VEZT: variants seen among roughly 807,000 people sequenced by gnomAD.
The protein encoded by VEZT is vezatin.
A neutral mutation model predicts 79.9 loss-of-function variants in VEZT; 39 were observed. The observed-to-expected ratio is 0.49, with a 90% confidence interval of 0.38 to 0.64. The LOEUF is 0.64. VEZT is among the 30% of genes least tolerant of loss of function. The probability of loss-of-function intolerance (pLI) is 0.00; values close to 1 mark genes in which losing one functional copy is unlikely to be tolerated. For synonymous variants in VEZT, 325 were observed against 327.6 expected (o/e 0.99, Z 0.09); for missense variants, 837 against 893.1 (o/e 0.94, Z 0.80).
intron 1 of VEZT, among the ~76,000 whole-genome samples, chr12:95,251,131 C>T (rs1252603847): frequency 6.6e-6 from 1 of 152,152 alleles, no homozygotes; most frequent in African/African-American, 2.4e-5. Context: ...CTGCCTCAGC[C>T]TCCCGAGTAG....
chr12:95,250,747 A>ATT (rs3080327), intron 1 of VEZT, among the ~76,000 whole-genome samples: 26,286 of 142,796 alleles, frequency 0.18, 2,700 homozygotes, highest in East Asian at 0.26. Flanking sequence ...GGTTGGGGTG[A>ATT]TTTTTTTTTT....
At chr12:95,251,128 A>T (rs762404738) in intron 1 of VEZT, among the ~76,000 whole-genome samples, 11 of 152,158 alleles carry the variant, frequency 7.2e-5, no homozygotes, top group Non-Finnish European at 1.5e-4. Context: ...CTCCTGCCTC[A>T]GCCTCCCGAG....
chr12:95,217,846 G>T lies in VEZT; in HGVS notation c.-5G>T. Reference sequence around the variant, plus strand: ...GTGCTGAGGCGGGTGGCATGGCGGAGAAGGATGACACCGGAGTTTGACGAA... The same window carrying T: ...GTGCTGAGGCGGGTGGCATGGCGGATAAGGATGACACCGGAGTTTGACGAA... On this transcript the variant is annotated 5_prime_UTR_variant, in exon 1 of 12. Coordinates refer to ENST00000436874, the MANE Select transcript of VEZT (RefSeq NM_017599.4). The T allele has an allele frequency of 6.5e-7, 1 of 1,541,514 alleles. No homozygotes were observed. The highest frequency in any genetic ancestry group is 1.2e-5 in the South Asian group (1 of 82,422).
chr12:95,257,627 G>A (rs1442408326), intron 3 of VEZT, among the ~76,000 whole-genome samples: 1 of 152,142 alleles, frequency 6.6e-6, no homozygotes, highest in African/African-American at 2.4e-5. Context: ...TGTGATTTTT[G>A]TGAGGCTTTG....
intron 1 of VEZT, among the ~76,000 whole-genome samples, chr12:95,222,242 G>A (rs2057729957): frequency 6.6e-6 from 1 of 152,110 alleles, no homozygotes; most frequent in South Asian, 2.1e-4. Context: ...CCTACTCTAA[G>A]GTCACAAAGA....
intron 1 of VEZT, among the ~76,000 whole-genome samples, chr12:95,222,708 C>G (rs891733971): frequency 1.3e-5 from 2 of 152,034 alleles, no homozygotes; most frequent in East Asian, 3.8e-4. Flanking sequence ...TAAAAAAACC[C>G]TACTGAGACT....
chr12:95,286,845 T>C (rs1279378277), intron 8 of VEZT: 3 of 476,696 alleles, frequency 6.3e-6, no homozygotes, highest in Non-Finnish European at 1.3e-5. Flanking sequence ...CCATTTTTTA[T>C]TGCAGACCTG....
At chr12:95,292,635 G>C (rs1388357394) in intron 9 of VEZT, among the ~76,000 whole-genome samples, 1 of 142,860 alleles carries the variant, frequency 7.0e-6, no homozygotes, top group Admixed American at 7.3e-5. Flanking sequence ...TGCAACCTCC[G>C]CCTCCCAAGT....
In VEZT at chr12:95,270,048, C is replaced by T; in HGVS notation, c.711-3C>T. 6.2e-7 allele frequency: 1 copy of T among 1,609,790 alleles called. No homozygotes were observed. Among genetic ancestry groups the T allele is most frequent in the Non-Finnish European group, 8.5e-7 (1 of 1,178,014 alleles). On this transcript the variant is annotated splice_polypyrimidine_tract_variant and splice_region_variant and intron_variant, in intron 5 of 11. Transcript: ENST00000436874. Reference sequence around the variant, plus strand: ...CATTTTACTTTTCAAGTTTGCTTGACAGGGTCAGTGCTGCTTGCCCATTTA... The same window carrying T: ...CATTTTACTTTTCAAGTTTGCTTGATAGGGTCAGTGCTGCTTGCCCATTTA...
intron 8 of VEZT, among the ~76,000 whole-genome samples, chr12:95,282,974 T>C (rs1042178279): frequency 8.5e-5 from 13 of 152,136 alleles, no homozygotes; most frequent in Non-Finnish European, 1.3e-4. Flanking sequence ...TGTCTTAAGG[T>C]AGTGCTCTTA....
chr12:95,219,879 T>G (rs1211194999), intron 1 of VEZT, among the ~76,000 whole-genome samples: 4 of 152,244 alleles, frequency 2.6e-5, no homozygotes, highest in Non-Finnish European at 4.4e-5. Flanking sequence ...ATTTATACAT[T>G]TATTAGCTAT....
In VEZT at chr12:95,250,914, A is replaced by G. The variant is rs542944872; in HGVS notation, c.37-1026A>G. On this transcript the variant is annotated intron_variant, in intron 1 of 11. Transcript: ENST00000436874. ...CTATGAACTAAGTGCTATTACTGCT[A>G]TTTTTAGATGAGACAGCTGATGCAC... Among the ~76,000 whole-genome samples the G allele has an allele frequency of 5.3e-5, 8 of 152,270 alleles. No homozygotes were observed. The East Asian group carries it at 7.7e-4, about 15-fold the overall frequency.
intron 2 of VEZT, chr12:95,256,557 G>T: frequency 7.8e-7 from 1 of 1,287,696 alleles, no homozygotes; most frequent in Non-Finnish European, 1.0e-6. Context: ...CAGTACCTGG[G>T]ATATAGTAAT....
intron 1 of VEZT, among the ~76,000 whole-genome samples, chr12:95,225,058 G>A (rs2058221182): frequency 6.6e-6 from 1 of 152,186 alleles, no homozygotes; most frequent in Non-Finnish European, 1.5e-5. Flanking sequence ...GCCTCGGGCT[G>A]TATTCCTAAC....
chr12:95,246,749 A>G (rs1333694664), intron 1 of VEZT, among the ~76,000 whole-genome samples: 1 of 152,150 alleles, frequency 6.6e-6, no homozygotes, highest in African/African-American at 2.4e-5. Context: ...GGTTTCTCAT[A>G]TTTCTTTTGG....
chr12:95,258,810 A>C (rs571603171), intron 3 of VEZT, among the ~76,000 whole-genome samples: 12 of 152,296 alleles, frequency 7.9e-5, no homozygotes, highest in Non-Finnish European at 1.5e-4. Context: ...GCCCCATGAT[A>C]TCCAAAGTGA....
At chr12:95,234,803 G>T (rs1273268071) in intron 1 of VEZT, among the ~76,000 whole-genome samples, 1 of 152,080 alleles carries the variant, frequency 6.6e-6, no homozygotes, top group Non-Finnish European at 1.5e-5. Flanking sequence ...AGGACCCTGC[G>T]GCCTTCCGCA....
intron 1 of VEZT, among the ~76,000 whole-genome samples, chr12:95,221,108 TA>T (rs1444735500): frequency 6.6e-6 from 1 of 152,246 alleles, no homozygotes; most frequent in Non-Finnish European, 1.5e-5. Flanking sequence ...TTAATGTGTT[TA>T]TTAGCCAATT....
rs972360573 is a variant in VEZT at position 95,287,827 on chromosome 12, A to C, written c.1492A>C (p.Lys498Gln). Residue 498 changes from lysine (K) to glutamine (Q), a missense_variant, in exon 9 of 12, where the codon AAA becomes CAA. Physicochemically the swap from Lys to Gln is moderately conservative, Grantham distance 53. Coordinates refer to ENST00000436874, the MANE Select transcript of VEZT (RefSeq NM_017599.4). ...GGAAGAGGCCATTTCTCAGGTCGAC[A>C]AACTGCTACGAAGAAATACAGATAA... ...CWEEAISQVD[K>Q]LLRRNTDKKG... The C allele has an allele frequency of 6.2e-7, 1 of 1,604,524 alleles. No homozygotes were observed. Among genetic ancestry groups the C allele is most frequent in the Admixed American group, 1.7e-5 (1 of 58,848 alleles).
Sources: gnomAD v4.1 joint callset for allele counts (sites outside exome capture counted in the v4.1 genomes callset) on GRCh38, gnomAD v4.1.1 for gene constraint, MANE v1.5 for transcripts, NCBI Gene and HGNC (gene_info 2026-07-23, HGNC 2026-07-21) for gene names.